Variants in SHISA9 observed in about 807,000 individuals in gnomAD.
SHISA9 encodes shisa family member 9, also known as protein shisa-9.
Under a neutral mutation model 38.0 loss-of-function variants are expected in SHISA9, and 13 were observed. The ratio of observed to expected loss-of-function variants is 0.34; its 90% CI spans 0.22 to 0.54. SHISA9 has a LOEUF of 0.54. Among genes scored for constraint, SHISA9 ranks in the 20% least tolerant of loss-of-function variants. The pLI is 0.91. For synonymous variants in SHISA9, 275 were observed against 242.0 expected (o/e 1.14, Z -1.27); for missense variants, 538 against 575.8 (o/e 0.93, Z 0.67).
chr16:13,008,504 T>C (rs981588491), intron 2 of SHISA9, among the ~76,000 whole-genome samples: 1 of 152,102 alleles, frequency 6.6e-6, no homozygotes, highest in African/African-American at 2.4e-5. Flanking sequence ...TAGGAGGTGA[T>C]TGGATCATGG....
intron 2 of SHISA9, among the ~76,000 whole-genome samples, chr16:13,135,028 G>C (rs184484498): frequency 2.6e-4 from 40 of 152,224 alleles, no homozygotes; most frequent in Admixed American, 7.2e-4. Flanking sequence ...TCAGCTTGCT[G>C]TCAATTCACT....
chr16:13,507,165 A>G, the SHISA9 span, among the ~76,000 whole-genome samples: 2 of 152,080 alleles, frequency 1.3e-5, no homozygotes, highest in Non-Finnish European at 2.9e-5. Context: ...TCTATAGGGT[A>G]GATCCAACCA....
intron 2 of SHISA9, among the ~76,000 whole-genome samples, chr16:13,121,565 A>G (rs1054653013): frequency 2.6e-5 from 4 of 152,152 alleles, no homozygotes; most frequent in African/African-American, 4.8e-5. Flanking sequence ...TTAACTGAAA[A>G]TATAAACATT....
chr16:12,924,809 G>A (rs2071373034), intron 2 of SHISA9, among the ~76,000 whole-genome samples: 1 of 152,170 alleles, frequency 6.6e-6, no homozygotes, highest in South Asian at 2.1e-4. Flanking sequence ...ACAGACTTGA[G>A]GGGTAGACAA....
At chr16:12,981,611 C>T (rs2072240962) in intron 2 of SHISA9, among the ~76,000 whole-genome samples, 1 of 152,202 alleles carries the variant, frequency 6.6e-6, no homozygotes, top group South Asian at 2.1e-4. Flanking sequence ...GATCAGAGAA[C>T]TGGCCATCTC....
At position 12,951,436 on chromosome 16, in the gene SHISA9, T is replaced by G. The variant is rs550267531; in HGVS notation, c.691+34621T>G. On this transcript the variant is annotated intron_variant, in intron 2 of 4. Transcript: ENST00000558583. ...AGTCTCTGTTGTAGTGACTCCACTC[T>G]GCAGTTGCAGAGGTGAAGCTGCCAC... is the stretch of plus-strand genomic sequence containing the variant. Among the ~76,000 whole-genome samples, 4 of 152,246 alleles carry G rather than the reference T, an allele frequency of 2.6e-5. No homozygotes were observed. In the East Asian group the frequency reaches 7.7e-4, roughly 29 times the overall value.
chr16:13,217,010 G>A (rs2051175593), intron 4 of SHISA9, among the ~76,000 whole-genome samples: 2 of 151,972 alleles, frequency 1.3e-5, no homozygotes, highest in Admixed American at 6.6e-5. Flanking sequence ...GGTGGCTCAC[G>A]CCTGTAATCC....
chr16:13,317,362 T>C, the SHISA9 span, among the ~76,000 whole-genome samples: 4 of 152,230 alleles, frequency 2.6e-5, no homozygotes, highest in African/African-American at 9.6e-5. Flanking sequence ...TTGAGGATTC[T>C]CAGGGGAAGT....
At chr16:13,350,667 C>A in the SHISA9 span, 3 of 152,206 alleles carry the variant, frequency 2.0e-5, no homozygotes, top group South Asian at 6.2e-4. Context: ...GAAGTGGGTT[C>A]TTTCCAGTTG....
chr16:13,024,055 A>G (rs2072890814), intron 2 of SHISA9, among the ~76,000 whole-genome samples: 2 of 152,244 alleles, frequency 1.3e-5, no homozygotes, highest in South Asian at 4.1e-4. Context: ...GAACTGGGTT[A>G]AAGCTCTTCA....
At chr16:13,123,064 C>A (rs1019094809) in intron 2 of SHISA9, among the ~76,000 whole-genome samples, 2 of 152,154 alleles carry the variant, frequency 1.3e-5, no homozygotes, top group Admixed American at 6.5e-5. Context: ...ATATTATTAT[C>A]ATTTCTGTTT....
At chr16:13,510,057 G>A in the SHISA9 span, among the ~76,000 whole-genome samples, 1 of 152,164 alleles carries the variant, frequency 6.6e-6, no homozygotes, top group East Asian at 1.9e-4. Context: ...TGTAGTCCCA[G>A]CACTTTGGGA....
intron 2 of SHISA9, among the ~76,000 whole-genome samples, chr16:13,193,773 C>T (rs1291258013): frequency 6.6e-6 from 1 of 152,166 alleles, no homozygotes; most frequent in Non-Finnish European, 1.5e-5. Context: ...GGCCCATTGC[C>T]CCATAGTGGC....
intron 2 of SHISA9, among the ~76,000 whole-genome samples, chr16:13,134,253 T>C (rs928542413): frequency 3.1e-4 from 47 of 152,336 alleles, no homozygotes; most frequent in African/African-American, 1.1e-3. Flanking sequence ...ATAATACCTA[T>C]CTTAATTTAA....
chr16:13,454,148 C>A, the SHISA9 span, among the ~76,000 whole-genome samples: 2 of 152,310 alleles, frequency 1.3e-5, no homozygotes, highest in South Asian at 4.1e-4. Context: ...GCTCCCCCTG[C>A]AGGACAAATT....
rs115185258 is a variant in SHISA9, at chr16:13,223,418, G to A, written c.895+10118G>A. 9.7e-3 allele frequency among the ~76,000 whole-genome samples: 1,474 copies of A among 152,256 alleles called. 23 individuals are homozygous for A. Among genetic ancestry groups the A allele is most frequent in the African/African-American group, 0.034 (1,394 of 41,548 alleles). ...TGCACTTCAGCCTGGGTGACAGAGT[G>A]AGATGTGCATATTTCCAAACTTTGT... On this transcript the variant is annotated intron_variant, in intron 4 of 4. Transcript: ENST00000558583.
At chr16:13,417,149 G>A in the SHISA9 span, among the ~76,000 whole-genome samples, 5 of 152,210 alleles carry the variant, frequency 3.3e-5, no homozygotes, top group South Asian at 2.1e-4. Context: ...TGGAGAAGAC[G>A]TGGATTGATG....
At chr16:12,922,342 C>G (rs1391670066) in intron 2 of SHISA9, among the ~76,000 whole-genome samples, 1 of 152,208 alleles carries the variant, frequency 6.6e-6, no homozygotes, top group Admixed American at 6.5e-5. Flanking sequence ...AAGAGCCAGG[C>G]TCTATTCTGC....
chr16:13,172,229 G>T (rs1032842906), intron 2 of SHISA9, among the ~76,000 whole-genome samples: 1 of 152,196 alleles, frequency 6.6e-6, no homozygotes, highest in Admixed American at 6.5e-5. Context: ...CAGTCAATCA[G>T]TGAGTATTAA....
Sources: allele counts gnomAD v4.1 joint callset (sites outside exome capture counted in the v4.1 genomes callset), GRCh38; gene constraint gnomAD v4.1.1; transcripts MANE v1.5; gene names NCBI Gene and HGNC (gene_info 2026-07-23, HGNC 2026-07-21).